The following CDK14 variants were observed in gnomAD, a reference collection of about 807,000 sequenced individuals.
CDK14 encodes cyclin dependent kinase 14.
Under a neutral mutation model 60.7 loss-of-function variants are expected in CDK14, and 34 were observed. The ratio of observed to expected loss-of-function variants is 0.56; its 90% CI spans 0.43 to 0.75. The LOEUF (loss-of-function observed/expected upper bound fraction) is 0.75, where lower values mean the gene tolerates loss of function less well. Ranked by LOEUF, CDK14 falls within the 30% of genes least tolerant of loss-of-function variation. The pLI is 0.00. For missense variants in CDK14, 482 were observed against 564.1 expected (o/e 0.85, Z 1.47); for synonymous variants, 197 against 203.7 (o/e 0.97, Z 0.28).
chr7:90,669,593 G>A (rs1801058788), intron 2 of CDK14, among the ~76,000 whole-genome samples: 2 of 152,212 alleles, frequency 1.3e-5, no homozygotes, highest in African/African-American at 2.4e-5. Context: ...AGAAACGTGA[G>A]CCAAGAGATG....
At chr7:90,948,947 A>C (rs937981246) in intron 8 of CDK14, among the ~76,000 whole-genome samples, 1 of 152,232 alleles carries the variant, frequency 6.6e-6, no homozygotes, top group Non-Finnish European at 1.5e-5. Context: ...GTATTTAGCC[A>C]AAGAATTCTA....
At chr7:91,029,971 T>G (rs1562875084) in intron 10 of CDK14, among the ~76,000 whole-genome samples, 1 of 152,182 alleles carries the variant, frequency 6.6e-6, no homozygotes, top group Admixed American at 6.5e-5. Flanking sequence ...AGAAGTAGGC[T>G]TGTAGGGCCT....
At chr7:90,917,448 T>C (rs997993766) in intron 7 of CDK14, among the ~76,000 whole-genome samples, 153 bp from the exon 8 acceptor site, 1 of 152,236 alleles carries the variant, frequency 6.6e-6, no homozygotes, top group Non-Finnish European at 1.5e-5. Flanking sequence ...ATTTACATAC[T>C]AAAATCTCAC....
chr7:90,974,850 G>T (rs1171833981), intron 9 of CDK14, among the ~76,000 whole-genome samples: 4 of 152,042 alleles, frequency 2.6e-5, no homozygotes, highest in African/African-American at 9.7e-5. Flanking sequence ...AATCCCAACA[G>T]GACTTTAATG....
intron 5 of CDK14, among the ~76,000 whole-genome samples, chr7:90,797,344 C>T (rs544371022): frequency 3.9e-4 from 59 of 151,964 alleles, no homozygotes; most frequent in South Asian, 1.0e-3. Flanking sequence ...TGTCTGCATC[C>T]AAATTTTCTC....
intron 11 of CDK14, among the ~76,000 whole-genome samples, chr7:91,064,896 T>G (rs1465219877): frequency 1.3e-5 from 2 of 152,180 alleles, no homozygotes; most frequent in Non-Finnish European, 2.9e-5. Context: ...CTTTAATAAA[T>G]GCCTAACTTA....
At chr7:90,884,540 C>T (rs1049031422) in intron 6 of CDK14, among the ~76,000 whole-genome samples, 12 of 152,160 alleles carry the variant, frequency 7.9e-5, no homozygotes, top group Admixed American at 7.9e-4. Flanking sequence ...ATGGTATCCC[C>T]ATCAATCTAC....
At chr7:90,737,111 T>A (rs763878763) in intron 3 of CDK14, among the ~76,000 whole-genome samples, 2 of 152,218 alleles carry the variant, frequency 1.3e-5, no homozygotes, top group Non-Finnish European at 2.9e-5. Context: ...ATACCGTCAC[T>A]GATGTGACAA....
At chr7:90,649,236 G>GTTTCTTTCTTTCTTTCTTTCTTTC (rs1167505193) in intron 2 of CDK14, among the ~76,000 whole-genome samples, 1 of 118,770 alleles carries the variant, frequency 8.4e-6, no homozygotes, top group African/African-American at 3.2e-5. Context: ...CTAGCCTATA[G>GTTTCTTTCTTTCTTTCTTTCTTTC]TTTCTTTCTT....
intron 14 of CDK14, among the ~76,000 whole-genome samples, chr7:91,130,555 T>C (rs1354614590): frequency 6.6e-6 from 1 of 152,172 alleles, no homozygotes; most frequent in Non-Finnish European, 1.5e-5. Context: ...GGTAACATTT[T>C]CCTTCTTGAA....
At chr7:90,802,152 T>A (rs558043622) in intron 5 of CDK14, among the ~76,000 whole-genome samples, 73 of 152,238 alleles carry the variant, frequency 4.8e-4, no homozygotes, top group Admixed American at 3.1e-3. Flanking sequence ...GAATTGTTCA[T>A]CCTCTTGTAA....
intron 7 of CDK14, among the ~76,000 whole-genome samples, chr7:90,913,492 C>T (rs1197877601): frequency 2.0e-5 from 3 of 152,178 alleles, no homozygotes; most frequent in Non-Finnish European, 4.4e-5. Flanking sequence ...ATGTGCATAG[C>T]ACAAGGTCAT....
intron 10 of CDK14, among the ~76,000 whole-genome samples, chr7:91,016,080 C>A (rs113699213): frequency 7.3e-4 from 111 of 152,156 alleles, no homozygotes; most frequent in Middle Eastern, 3.4e-3. Context: ...ATAAATAGAT[C>A]CCTGCTGCTA....
At position 90,724,759 on chromosome 7, in the gene CDK14, AT is replaced by A. The variant is rs1048941694; in HGVS notation, c.124-1799del. Among the ~76,000 whole-genome samples the A allele has an allele frequency of 1.1e-4, 17 of 149,712 alleles. No individual in the cohort carries two copies. The East Asian group carries it at 3.3e-3, about 29-fold the overall frequency. ...TAATTTGATTTCAACGTGCCCTTAC[AT>A]TTTTTTTTCTTTCAAATTTTCTGTG... is the stretch of plus-strand genomic sequence containing the variant. On this transcript the variant is annotated intron_variant, in intron 2 of 14. Transcript: ENST00000380050.
intron 9 of CDK14, chr7:90,979,658 C>G (rs987645444): frequency 6.6e-6 from 1 of 152,186 alleles, no homozygotes; most frequent in Non-Finnish European, 1.5e-5. Flanking sequence ...AAATTCTAAA[C>G]TATTAGACAT....
intron 14 of CDK14, among the ~76,000 whole-genome samples, chr7:91,187,145 T>C (rs916495577): frequency 6.6e-6 from 1 of 152,374 alleles, no homozygotes; most frequent in African/African-American, 2.4e-5. Context: ...AATAAGGTAT[T>C]GTTTTATTTT....
At chr7:90,879,303 C>A (rs1339879952) in intron 6 of CDK14, among the ~76,000 whole-genome samples, 1 of 151,694 alleles carries the variant, frequency 6.6e-6, no homozygotes, top group African/African-American at 2.4e-5. Flanking sequence ...CCTTTTATAC[C>A]CATGCTAGTG....
chr7:90,867,885 G>A (rs1335854330), intron 6 of CDK14, among the ~76,000 whole-genome samples: 1 of 152,056 alleles, frequency 6.6e-6, no homozygotes, highest in African/African-American at 2.4e-5. Context: ...CAGCACTTTG[G>A]AAAGTGGAGG....
chr7:90,653,840 C>T lies in CDK14; in HGVS notation c.123+49591C>T, dbSNP rs534058701. On this transcript the variant is annotated intron_variant, in intron 2 of 14. Coordinates refer to ENST00000380050, the MANE Select transcript of CDK14 (RefSeq NM_001287135.2). Reference sequence around the variant, plus strand: ...TTCTCCCCCCACCTGATGACAGGCCCCAGTGTGTGATGTTCCCCACCCTGT... The same window carrying T: ...TTCTCCCCCCACCTGATGACAGGCCTCAGTGTGTGATGTTCCCCACCCTGT... 9.2e-5 allele frequency among the ~76,000 whole-genome samples: 14 copies of T among 152,242 alleles called. No individual in the cohort carries two copies. The South Asian group carries it at 2.1e-3, about 23-fold the overall frequency.
Sources: gnomAD v4.1 joint callset for allele counts (sites outside exome capture counted in the v4.1 genomes callset) on GRCh38, gnomAD v4.1.1 for gene constraint, MANE v1.5 for transcripts, NCBI Gene and HGNC (gene_info 2026-07-23, HGNC 2026-07-21) for gene names.